The following DCC variants were observed in gnomAD, a reference collection of about 807,000 sequenced individuals.
DCC encodes the protein netrin receptor DCC.
DCC carries 58 observed loss-of-function variants against 172.5 expected under a neutral mutation model. The observed-to-expected ratio is 0.34, with a 90% CI of 0.27 to 0.42. The LOEUF is 0.42. Among genes scored for constraint, DCC ranks in the 10% least tolerant of loss-of-function variants. The pLI, the probability that DCC is intolerant of heterozygous loss-of-function variation, is 1.00. For missense variants in DCC, 1,740 were observed against 1,791.0 expected, an observed-to-expected ratio of 0.97 and a Z score of 0.51; for synonymous variants, 709 against 644.5, an observed-to-expected ratio of 1.10 and a Z score of -1.52.
intron 2 of DCC, among the ~76,000 whole-genome samples, chr18:52,831,939 G>T (rs1434105792): frequency 6.6e-6 from 1 of 152,062 alleles, no homozygotes; most frequent in African/African-American, 2.4e-5. Context: ...CCCGAGCCCT[G>T]CATACTCCCA....
At chr18:52,843,494 T>C (rs1407533819) in intron 2 of DCC, among the ~76,000 whole-genome samples, 2 of 152,272 alleles carry the variant, frequency 1.3e-5, no homozygotes, top group African/African-American at 4.8e-5. Context: ...AAAATTATTT[T>C]AATATAAAAA....
At chr18:53,414,591 G>A (rs1173215819) in intron 20 of DCC, among the ~76,000 whole-genome samples, 12 of 152,174 alleles carry the variant, frequency 7.9e-5, no homozygotes, top group African/African-American at 2.9e-4. Context: ...GCTCACACCT[G>A]TAATCCCAGC....
intron 12 of DCC, among the ~76,000 whole-genome samples, chr18:53,273,575 A>G (rs1026661096): frequency 1.3e-5 from 2 of 152,154 alleles, no homozygotes; most frequent in African/African-American, 4.8e-5. Flanking sequence ...AAAATTAAAT[A>G]TTAAATTTCA....
intron 1 of DCC, among the ~76,000 whole-genome samples, chr18:52,582,160 T>C (rs2033564177): frequency 6.6e-6 from 1 of 152,198 alleles, no homozygotes; most frequent in Non-Finnish European, 1.5e-5. Flanking sequence ...TCTAAATATA[T>C]TAAGTTTAAC....
intron 2 of DCC, among the ~76,000 whole-genome samples, chr18:52,793,154 T>A (rs1275282901): frequency 6.6e-6 from 1 of 152,204 alleles, no homozygotes; most frequent in Non-Finnish European, 1.5e-5. Flanking sequence ...ATATGATGTT[T>A]ACATAGCCCA....
At position 52,783,323 on chromosome 18, in the gene DCC, C is replaced by CTTT. The variant is rs374129823; in HGVS notation, c.412+30985_412+30987dup. ...ACTAAAAATAATTTATACTACTACT[C>CTTT]TTTTTTTTTTTTTTTTTTTTTTTTT... On this transcript the variant is annotated intron_variant, in intron 2 of 28. Coordinates refer to ENST00000442544, the MANE Select transcript of DCC (RefSeq NM_005215.4). 3.2e-3 allele frequency among the ~76,000 whole-genome samples: 190 copies of CTTT among 59,246 alleles called. 41 individuals are homozygous for CTTT. The highest frequency in any genetic ancestry group is 0.015 in the African/African-American group (182 of 12,474). 38.9% of individuals were successfully genotyped at this position (59,246 alleles called of 152,430 possible).
At chr18:52,586,932 T>C (rs1266434638) in intron 1 of DCC, among the ~76,000 whole-genome samples, 2 of 152,154 alleles carry the variant, frequency 1.3e-5, no homozygotes, top group African/African-American at 4.8e-5. Context: ...TACACTTCTT[T>C]AGCCATAAAG....
At chr18:53,465,083 T>C (rs948672109) in intron 24 of DCC, among the ~76,000 whole-genome samples, 2 of 151,848 alleles carry the variant, frequency 1.3e-5, no homozygotes, top group Admixed American at 1.3e-4. Flanking sequence ...TTAGATAGTG[T>C]TTTAATGTTT....
At chr18:52,481,465 G>A (rs779202369) in intron 1 of DCC, among the ~76,000 whole-genome samples, 8 of 151,942 alleles carry the variant, frequency 5.3e-5, no homozygotes, top group Non-Finnish European at 7.4e-5. Context: ...TGTACTACCC[G>A]CCACCCCCGG....
chr18:52,586,619 A>G (rs2033680328), intron 1 of DCC, among the ~76,000 whole-genome samples: 2 of 152,204 alleles, frequency 1.3e-5, no homozygotes, highest in African/African-American at 4.8e-5. Flanking sequence ...CAGGAACAGG[A>G]AGCAAAACGT....
chr18:52,440,468 G>A (rs1341324871), intron 1 of DCC, among the ~76,000 whole-genome samples: 1 of 152,174 alleles, frequency 6.6e-6, no homozygotes, highest in African/African-American at 2.4e-5. Flanking sequence ...CCTGCCCACT[G>A]AGGGTGAATT....
chr18:52,945,604 A>G (rs1192395099), intron 5 of DCC, among the ~76,000 whole-genome samples: 1 of 152,202 alleles, frequency 6.6e-6, no homozygotes, highest in Non-Finnish European at 1.5e-5. Flanking sequence ...TCAAATTACA[A>G]AAAAGAGCAC....
chr18:52,745,662 C>T (rs2036895521), intron 1 of DCC, among the ~76,000 whole-genome samples: 1 of 152,134 alleles, frequency 6.6e-6, no homozygotes, highest in Admixed American at 6.6e-5. Context: ...ATCATTTCTT[C>T]CAGCTATTTG....
chr18:52,473,709 C>T (rs1053519204), intron 1 of DCC, among the ~76,000 whole-genome samples: 1 of 152,122 alleles, frequency 6.6e-6, no homozygotes, highest in African/African-American at 2.4e-5. Context: ...ATTATCTCCA[C>T]CTAGTCCCTC....
At chr18:52,418,062 G>T (rs1482086119) in intron 1 of DCC, among the ~76,000 whole-genome samples, 3 of 152,254 alleles carry the variant, frequency 2.0e-5, no homozygotes, top group East Asian at 3.9e-4. Flanking sequence ...GTCAAATTTT[G>T]TTCTTTAGTT....
chr18:53,259,709 G>A (rs949751747), intron 12 of DCC, among the ~76,000 whole-genome samples: 1 of 152,054 alleles, frequency 6.6e-6, no homozygotes, highest in South Asian at 2.1e-4. Context: ...TCCTCTGGAG[G>A]AGTATCTTTG....
chr18:52,929,351 T>A (rs112724145), intron 5 of DCC, among the ~76,000 whole-genome samples: 1 of 128,220 alleles, frequency 7.8e-6, no homozygotes, highest in African/African-American at 2.6e-5. Flanking sequence ...TTTTTATTAT[T>A]TATTTTTAAT....
intron 5 of DCC, among the ~76,000 whole-genome samples, chr18:53,055,271 T>C (rs2042388410): frequency 6.6e-6 from 1 of 152,190 alleles, no homozygotes; most frequent in African/African-American, 2.4e-5. Context: ...TTTTCTGTCA[T>C]GTGGTTTTCA....
intron 1 of DCC, among the ~76,000 whole-genome samples, chr18:52,567,467 G>A (rs1345236860): frequency 6.6e-6 from 1 of 152,192 alleles, no homozygotes; most frequent in Admixed American, 6.5e-5. Context: ...TTTGCCAGCT[G>A]TATGAATTCA....
Sources: gnomAD v4.1 joint callset for allele counts (sites outside exome capture counted in the v4.1 genomes callset) on GRCh38, gnomAD v4.1.1 for gene constraint, MANE v1.5 for transcripts, NCBI Gene and HGNC (gene_info 2026-07-23, HGNC 2026-07-21) for gene names.